The following CCDC66 variants were observed in gnomAD, a reference collection of about 807,000 sequenced individuals.
The protein encoded by CCDC66 is coiled-coil domain-containing protein 66.
CCDC66 carries 133 observed loss-of-function variants against 128.3 expected under a neutral mutation model. The observed-to-expected ratio is 1.04, with a 90% CI of 0.90 to 1.20. The LOEUF (loss-of-function observed/expected upper bound fraction) is 1.20, where lower values mean the gene tolerates loss of function less well. CCDC66 is among the 50% of genes most tolerant of loss of function. The pLI is 0.00. For synonymous variants in CCDC66, 387 were observed against 357.0 expected (o/e 1.08, Z -0.95); for missense variants, 1,126 against 1,075.5 (o/e 1.05, Z -0.66).
In CCDC66 at chr3:56,564,191, C is replaced by G. The variant is rs913441830; in HGVS notation, c.544+66C>G. 17 of 1,230,992 alleles carry G rather than the reference C, an allele frequency of 1.4e-5. No individual in the cohort carries two copies. The African/African-American group carries it at 2.4e-4, about 18-fold the overall frequency. 76.3% of individuals were successfully genotyped at this position (1,230,992 alleles called of 1,614,324 possible). On this transcript the variant is annotated intron_variant, in intron 4 of 17. Transcript: ENST00000394672. ...AATATGTGTTTTAGAATATCAGATT[C>G]ATTGGGTTTTATGTAACTGTGACTC... is the stretch of plus-strand genomic sequence containing the variant.
intron 13 of CCDC66, chr3:56,616,326 C>A: frequency 3.4e-6 from 1 of 291,720 alleles, no homozygotes; most frequent in Non-Finnish European, 6.3e-6. Context: ...GTACCCATTA[C>A]TTGCCACTTT....
intron 10 of CCDC66, among the ~76,000 whole-genome samples, chr3:56,612,735 T>C (rs1577981345): frequency 1.3e-5 from 2 of 152,000 alleles, no homozygotes. Flanking sequence ...TAATGGCAGG[T>C]TGATTGGGCC....
At chr3:56,619,149 G>A (rs141324775) in intron 15 of CCDC66, 122 bp from the exon 16 acceptor site, 17 of 768,372 alleles carry the variant, frequency 2.2e-5, no homozygotes, top group African/African-American at 3.6e-5. Flanking sequence ...AGCTGAGATC[G>A]CGCCACTGCA....
Position 56,617,112 on chromosome 3 carries a change from A to T in CCDC66, c.1844A>T (p.Asp615Val), listed in dbSNP as rs2075624054. 6.7e-7 allele frequency: 1 copy of T among 1,481,934 alleles called. No homozygotes were observed. The allele number at this position is 1,481,934 out of a possible 1,614,324, so 91.8% of individuals were successfully genotyped here. A position where few individuals can be genotyped will look rare whatever the true frequency, so the allele number is the denominator to read the frequency against. Residue 615 changes from aspartate to valine, a missense_variant and splice_region_variant, in exon 14 of 18, where the codon GAT becomes GTT. Asp to Val is a radical substitution (Grantham distance 152). Coordinates refer to ENST00000394672, the MANE Select transcript of CCDC66 (RefSeq NM_001141947.3). Reference protein sequence around the residue: ...TSKKDTGVQTDDLNIGIFTNA... With the variant: ...TSKKDTGVQTVDLNIGIFTNA... The stretch of plus-strand genomic sequence containing the variant: ...AAAATCATTTGCAACTTTTTTTTAG[A>T]TGACTTAAATATAGGAATATTCACC...
chr3:56,588,313 G>GA (rs2070192404), intron 7 of CCDC66, among the ~76,000 whole-genome samples: 1 of 152,206 alleles, frequency 6.6e-6, no homozygotes, highest in African/African-American at 2.4e-5. Context: ...GAAAGGCTGG[G>GA]AGGGGGCTGA....
chr3:56,609,251 A>C (rs540788808), intron 10 of CCDC66, among the ~76,000 whole-genome samples: 5 of 152,264 alleles, frequency 3.3e-5, no homozygotes, highest in South Asian at 2.1e-4. Flanking sequence ...TAGGTCTATT[A>C]GTAATTACAA....
intron 10 of CCDC66, among the ~76,000 whole-genome samples, chr3:56,609,352 CTT>C (rs1180122912): frequency 1.3e-5 from 2 of 152,174 alleles, no homozygotes; most frequent in Non-Finnish European, 2.9e-5. Flanking sequence ...TAATGTCCCT[CTT>C]TGTCTCTTTT....
chr3:56,575,046 G>C lies in CCDC66; in HGVS notation c.936+3744G>C, dbSNP rs2067170126. Among the ~76,000 whole-genome samples the C allele has an allele frequency of 2.6e-5, 4 of 151,646 alleles. 1 individual carries two copies. The South Asian group carries it at 8.3e-4, about 32-fold the overall frequency. ...TTTGAGTTCCTGCTTCAATTCTTTT[G>C]GGTGTGTACTCAGAATTGGAATTGC... On this transcript the variant is annotated intron_variant, in intron 7 of 17. Coordinates refer to ENST00000394672, the MANE Select transcript of CCDC66 (RefSeq NM_001141947.3).
intron 1 of CCDC66, chr3:56,557,926 TAAG>T (rs1408018039): frequency 6.6e-6 from 1 of 152,354 alleles, no homozygotes; most frequent in Non-Finnish European, 1.5e-5. Context: ...GTGTGTCCCT[TAAG>T]GAGATTACAG....
intron 7 of CCDC66, 64 bp from the exon 8 acceptor site, chr3:56,592,906 G>A: frequency 3.2e-6 from 5 of 1,547,772 alleles, no homozygotes; most frequent in Middle Eastern, 2.0e-4. Context: ...GGCAAGATTT[G>A]CACATATTAA....
At chr3:56,592,047 T>G (rs772269204) in intron 7 of CCDC66, among the ~76,000 whole-genome samples, 1 of 152,242 alleles carries the variant, frequency 6.6e-6, no homozygotes, top group Non-Finnish European at 1.5e-5. Context: ...CAGCAAACTT[T>G]TATGCTACTG....
intron 10 of CCDC66, among the ~76,000 whole-genome samples, chr3:56,603,610 T>G (rs1374150809): frequency 1.3e-5 from 2 of 152,116 alleles, no homozygotes; most frequent in African/African-American, 4.8e-5. Flanking sequence ...GTGAGTTTCT[T>G]AATCCTGAGT....
chr3:56,614,182 CAAAG>C (rs2075211491), intron 11 of CCDC66, among the ~76,000 whole-genome samples: 1 of 152,086 alleles, frequency 6.6e-6, no homozygotes. Context: ...ATAAAGTTAG[CAAAG>C]AGAGAAGCTT....
At chr3:56,620,140 A>G (rs2076197432) in intron 17 of CCDC66, 1 of 263,520 alleles carries the variant, frequency 3.8e-6, no homozygotes, top group South Asian at 1.1e-4. Context: ...TCTAAAATTA[A>G]GACAAGTTTA....
intron 3 of CCDC66, chr3:56,560,910 G>A (rs1559590778): frequency 4.4e-6 from 2 of 456,500 alleles, no homozygotes; most frequent in Non-Finnish European, 8.8e-6. Context: ...TTTGGATGAT[G>A]TACCACTTTA....
intron 7 of CCDC66, among the ~76,000 whole-genome samples, chr3:56,581,793 C>T (rs752511781): frequency 6.6e-6 from 1 of 151,740 alleles, no homozygotes; most frequent in East Asian, 2.0e-4. Flanking sequence ...CTCAGAGGGG[C>T]ACCCAGCTTT....
At chr3:56,615,540 A>G in intron 12 of CCDC66, 1 of 370,486 alleles carries the variant, frequency 2.7e-6, no homozygotes, top group African/African-American at 2.1e-5. Flanking sequence ...CACCCAGCCT[A>G]AATGATTGCC....
intron 12 of CCDC66, 72 bp downstream of exon 12, chr3:56,615,344 G>T: frequency 6.9e-7 from 1 of 1,448,392 alleles, no homozygotes; most frequent in Non-Finnish European, 9.3e-7. Flanking sequence ...TTTTATCTTT[G>T]TTTGGAGACA....
chr3:56,582,777 T>C lies in CCDC66; in HGVS notation c.937-10193T>C, dbSNP rs1018377765. Among the ~76,000 whole-genome samples, 5 of 151,048 alleles carry C rather than the reference T, an allele frequency of 3.3e-5. 1 individual carries two copies. Among genetic ancestry groups the C allele is most frequent in the Admixed American group, 1.3e-4 (2 of 14,898 alleles). On this transcript the variant is annotated intron_variant, in intron 7 of 17. Transcript: ENST00000394672. ...CATAAACTTCGATCTACATTAATGCTCAAGATAGTCATATATGCATAATCA... is the reference window on the plus strand; with the variant it reads ...CATAAACTTCGATCTACATTAATGCCCAAGATAGTCATATATGCATAATCA...
Sources: allele counts gnomAD v4.1 joint callset (sites outside exome capture counted in the v4.1 genomes callset), GRCh38; gene constraint gnomAD v4.1.1; transcripts MANE v1.5; gene names NCBI Gene and HGNC (gene_info 2026-07-23, HGNC 2026-07-21).